The following ARL1 variants were observed in gnomAD, a reference collection of about 807,000 sequenced individuals.
ARL1 encodes ARF like GTPase 1.
A neutral mutation model predicts 30.1 loss-of-function variants in ARL1; 17 were observed. The observed-to-expected ratio is 0.56, with a 90% CI of 0.39 to 0.85. The LOEUF is 0.85. Ranked by LOEUF, ARL1 falls within the 40% of genes least tolerant of loss-of-function variation. The probability of loss-of-function intolerance (pLI) is 0.00; values close to 1 mark genes in which losing one functional copy is unlikely to be tolerated. For synonymous variants in ARL1, 58 were observed against 71.7 expected (o/e 0.81, Z 0.97); for missense variants, 102 against 212.6 (o/e 0.48, Z 3.24).
chr12:101,397,493 T>A (rs1871181737), intron 4 of ARL1, among the ~76,000 whole-genome samples: 1 of 151,668 alleles, frequency 6.6e-6, no homozygotes. Context: ...GGAGACCCTG[T>A]CTCTTTTTTT....
At chr12:101,397,202 C>G (rs2121106234) in intron 4 of ARL1, among the ~76,000 whole-genome samples, 1 of 152,274 alleles carries the variant, frequency 6.6e-6, no homozygotes, top group African/African-American at 2.4e-5. Flanking sequence ...ACCCTACCAA[C>G]AGTGTATAAA....
chr12:101,407,744 T>C lies in ARL1; in HGVS notation c.-99A>G, dbSNP rs1871490004. The C allele has an allele frequency of 1.3e-6, 2 of 1,562,984 alleles. No individual in the cohort carries two copies. Among genetic ancestry groups the C allele is most frequent in the Admixed American group, 3.3e-5 (2 of 59,740 alleles). The stretch of plus-strand genomic sequence containing the variant: ...CTCGCAAGCCCAGTCAGCCAGCAAC[T>C]TCCACGTCGGACTCCAGGCGGGGGC... On this transcript the variant is annotated 5_prime_UTR_variant, in exon 1 of 6. Transcript: ENST00000261636.
At chr12:101,403,276 T>C in intron 2 of ARL1, 1 of 418,960 alleles carries the variant, frequency 2.4e-6, no homozygotes, top group Admixed American at 3.2e-5. Context: ...AGTATATAAT[T>C]TTAGCTCAAA....
chr12:101,396,348 G>T, intron 5 of ARL1, 51 bp downstream of exon 5: 1 of 1,604,840 alleles, frequency 6.2e-7, no homozygotes, highest in Non-Finnish European at 8.5e-7. Context: ...GACGTGCATA[G>T]CTGCAAGCAC....
chr12:101,404,579 T>C (rs28398934), intron 2 of ARL1, among the ~76,000 whole-genome samples: 56,122 of 152,104 alleles, frequency 0.37, 11,274 homozygotes, highest in Non-Finnish European at 0.45. Context: ...TCTTCTTTCT[T>C]AGAGGCTAGC....
intron 5 of ARL1, 162 bp downstream of exon 5, chr12:101,396,237 G>T: frequency 1.2e-6 from 1 of 847,058 alleles, no homozygotes; most frequent in Non-Finnish European, 1.9e-6. Context: ...GAAGACAGAT[G>T]CACCTGAAGA....
chr12:101,403,204 C>G (rs1184825889), intron 2 of ARL1: 1 of 491,916 alleles, frequency 2.0e-6, no homozygotes, highest in Non-Finnish European at 3.9e-6. Flanking sequence ...CACAAAACAT[C>G]AATTAGCAAG....
At chr12:101,399,517 A>T (rs1427350490) in intron 4 of ARL1, among the ~76,000 whole-genome samples, 9 of 36,448 alleles carry the variant, frequency 2.5e-4, no homozygotes, top group African/African-American at 4.9e-4. Flanking sequence ...TCTAAAAAAA[A>T]AAAAAAAAAA....
intron 2 of ARL1, among the ~76,000 whole-genome samples, chr12:101,405,442 T>C (rs1442263004): frequency 6.6e-6 from 1 of 152,206 alleles, no homozygotes; most frequent in East Asian, 1.9e-4. Context: ...GTAAAGATAC[T>C]GGCTCTCAGT....
At chr12:101,395,754 T>C in intron 5 of ARL1, 84 bp from the exon 6 acceptor site, 1 of 979,568 alleles carries the variant, frequency 1.0e-6, no homozygotes, top group South Asian at 1.5e-5. Context: ...GTATTGGAGG[T>C]GGATTCCAAA....
intron 4 of ARL1, among the ~76,000 whole-genome samples, chr12:101,399,305 A>G (rs904631372): frequency 6.6e-6 from 1 of 152,094 alleles, no homozygotes; most frequent in Non-Finnish European, 1.5e-5. Flanking sequence ...TGAGGTCAGG[A>G]GTTCGAGACC....
At chr12:101,398,967 C>T (rs1443086899) in intron 4 of ARL1, among the ~76,000 whole-genome samples, 1 of 152,100 alleles carries the variant, frequency 6.6e-6, no homozygotes, top group African/African-American at 2.4e-5. Flanking sequence ...TTAAGCAATA[C>T]TTTATATGAT....
At chr12:101,403,522 G>C (rs1480475501) in intron 2 of ARL1, 1 of 186,600 alleles carries the variant, frequency 5.4e-6, no homozygotes, top group African/African-American at 2.4e-5. Flanking sequence ...CATGGACACA[G>C]CCATGGCTGC....
At chr12:101,397,110 T>TA (rs1266907215) in intron 4 of ARL1, among the ~76,000 whole-genome samples, 1 of 152,180 alleles carries the variant, frequency 6.6e-6, no homozygotes, top group African/African-American at 2.4e-5. Context: ...CACAATATTC[T>TA]AAAAATGGAG....
At chr12:101,407,453 GA>G in intron 1 of ARL1, 188 bp downstream of exon 1, 1 of 702,520 alleles carries the variant, frequency 1.4e-6, no homozygotes, top group Non-Finnish European at 2.3e-6. Context: ...AGAGAGGACG[GA>G]GGAGAACGCG....
chr12:101,405,539 G>A (rs1871417207), intron 2 of ARL1: 1 of 166,372 alleles, frequency 6.0e-6, no homozygotes, highest in African/African-American at 2.4e-5. Flanking sequence ...CTGCCTCTTA[G>A]TTGATGGAAA....
At chr12:101,401,360 G>A (rs1426274655) in intron 3 of ARL1, 187 bp from the exon 4 acceptor site, 2 of 456,616 alleles carry the variant, frequency 4.4e-6, no homozygotes, top group East Asian at 3.8e-5. Context: ...ACATTGGCTG[G>A]GCACGGTGGC....
chr12:101,398,016 T>C (rs931738619), intron 4 of ARL1, among the ~76,000 whole-genome samples: 3 of 152,180 alleles, frequency 2.0e-5, no homozygotes, highest in African/African-American at 7.2e-5. Flanking sequence ...TATAATTAAA[T>C]CTCATCTTTT....
chr12:101,399,418 A>G (rs1195910125), intron 4 of ARL1, among the ~76,000 whole-genome samples: 2 of 151,452 alleles, frequency 1.3e-5, no homozygotes, highest in Non-Finnish European at 2.9e-5. Flanking sequence ...AGGCTGAAAC[A>G]GAAGAATCGC....
Sources: allele counts gnomAD v4.1 joint callset (sites outside exome capture counted in the v4.1 genomes callset), GRCh38; gene constraint gnomAD v4.1.1; transcripts MANE v1.5; gene names NCBI Gene and HGNC (gene_info 2026-07-23, HGNC 2026-07-21).